ARHGEF12: variants seen among roughly 807,000 people sequenced by gnomAD.
ARHGEF12 encodes the protein KMT2A/ARHGEF12 fusion protein.
In ARHGEF12, 66 loss-of-function variants were observed where a neutral mutation model predicts 211.2. That is an observed-to-expected ratio of 0.31 (90% CI 0.26 to 0.38). ARHGEF12 has a LOEUF of 0.38. ARHGEF12 is among the 10% of genes least tolerant of loss of function. The pLI, the probability that ARHGEF12 is intolerant of heterozygous loss-of-function variation, is 1.00. For missense variants in ARHGEF12, 1,429 were observed against 1,869.5 expected (o/e 0.76, Z 4.34); for synonymous variants, 592 against 638.4 (o/e 0.93, Z 1.09).
At chr11:120,351,341 CAAAAAA>C (rs35596601) in intron 1 of ARHGEF12, among the ~76,000 whole-genome samples, 8 of 18,696 alleles carry the variant, frequency 4.3e-4, no homozygotes, top group Non-Finnish European at 5.8e-4. Flanking sequence ...GACTCCGTCT[CAAAAAA>C]AAAAAAAAAA....
At chr11:120,403,591 A>G (rs1944606901) in intron 1 of ARHGEF12, among the ~76,000 whole-genome samples, 2 of 151,968 alleles carry the variant, frequency 1.3e-5, no homozygotes, top group African/African-American at 4.8e-5. Context: ...TTTATTAATC[A>G]TCGTTCTTCA....
intron 27 of ARHGEF12, 93 bp from the exon 28 acceptor site, chr11:120,465,144 A>G: frequency 6.6e-7 from 1 of 1,510,382 alleles, no homozygotes; most frequent in Admixed American, 1.9e-5. Flanking sequence ...GTCACTTGAA[A>G]TATTGAAAGG....
At chr11:120,382,676 C>T (rs1036519385) in intron 1 of ARHGEF12, among the ~76,000 whole-genome samples, 1 of 152,180 alleles carries the variant, frequency 6.6e-6, no homozygotes, top group African/African-American at 2.4e-5. Flanking sequence ...TTCATTCATT[C>T]TATTTCTCTC....
Position 120,421,831 on chromosome 11 carries a change from G to C in ARHGEF12, c.327G>C (p.Gln109His). The C allele has an allele frequency of 6.2e-7, 1 of 1,611,688 alleles. No individual in the cohort carries two copies. Among genetic ancestry groups the C allele is most frequent in the Non-Finnish European group, 8.5e-7 (1 of 1,178,976 alleles). ...GAGCAGCCATGCGGGCTGGAGTACA[G>C]ACAGGTGATCGAATCATCAAGGTAA... The part of the protein sequence containing the change: ...EDGAAMRAGV[Q>H]TGDRIIKVNG... The change falls in exon 6 of 41, where the codon CAG becomes CAC. Residue 109 changes from glutamine (Q) to histidine (H), a missense_variant. By Grantham distance (24) the Gln-to-His change is conservative (BLOSUM62 0). Coordinates refer to ENST00000397843, the MANE Select transcript of ARHGEF12 (RefSeq NM_015313.3).
chr11:120,337,137 G>C lies in ARHGEF12; in HGVS notation c.-107G>C. 1.5e-6 allele frequency: 2 copies of C among 1,369,156 alleles called. No individual in the cohort carries two copies. The highest frequency in any genetic ancestry group is 2.1e-6 in the Non-Finnish European group (2 of 960,336). 84.8% of individuals were successfully genotyped at this position (1,369,156 alleles called of 1,614,324 possible). On this transcript the variant is annotated 5_prime_UTR_variant, in exon 1 of 41. Coordinates refer to ENST00000397843, the MANE Select transcript of ARHGEF12 (RefSeq NM_015313.3). Reference sequence around the variant, plus strand: ...GAATGGAGTTTTGAGTTGGACTTTTGTGTCCCTGACGGAGTTGGGCCTGAT... The same window carrying C: ...GAATGGAGTTTTGAGTTGGACTTTTCTGTCCCTGACGGAGTTGGGCCTGAT...
At chr11:120,346,234 A>G (rs139144591) in intron 1 of ARHGEF12, among the ~76,000 whole-genome samples, 1 of 152,354 alleles carries the variant, frequency 6.6e-6, no homozygotes, top group Non-Finnish European at 1.5e-5. Context: ...CTGTAGCAAC[A>G]CTATCAAATT....
intron 1 of ARHGEF12, among the ~76,000 whole-genome samples, chr11:120,377,393 T>C (rs1943756369): frequency 1.3e-5 from 2 of 151,866 alleles, no homozygotes; most frequent in Non-Finnish European, 2.9e-5. Flanking sequence ...CTGGCTGGAG[T>C]ACAGTGGCGC....
At chr11:120,406,197 G>A in intron 2 of ARHGEF12, 56 bp downstream of exon 2, 1 of 1,195,330 alleles carries the variant, frequency 8.4e-7, no homozygotes. Context: ...TTAATTATAA[G>A]CATCCCTTTG....
At chr11:120,484,239 C>T (rs1947338679) in intron 39 of ARHGEF12, among the ~76,000 whole-genome samples, 199 bp from the exon 40 acceptor site, 1 of 152,186 alleles carries the variant, frequency 6.6e-6, no homozygotes, top group African/African-American at 2.4e-5. Context: ...GTTATTCCTT[C>T]AGTGGAGAAA....
At position 120,367,353 on chromosome 11, in the gene ARHGEF12, C is replaced by CTTTTTTTTTTTTTTTTTT. The variant is rs1025919456; in HGVS notation, c.32+30091_32+30108dup. ...AAAAAATCTGTTAGGATACTTTTTC[C>CTTTTTTTTTTTTTTTTTT]TTTTTTTTTTTTTTTTTTTTTTTTT... is the stretch of plus-strand genomic sequence containing the variant. On this transcript the variant is annotated intron_variant, in intron 1 of 40. Transcript: ENST00000397843. Among the ~76,000 whole-genome samples the CTTTTTTTTTTTTTTTTTT allele has an allele frequency of 1.4e-3, 83 of 59,348 alleles. 22 individuals are homozygous for CTTTTTTTTTTTTTTTTTT. Among genetic ancestry groups the CTTTTTTTTTTTTTTTTTT allele is most frequent in the African/African-American group, 3.0e-3 (39 of 12,946 alleles). 38.9% of individuals were successfully genotyped at this position (59,348 alleles called of 152,430 possible).
At chr11:120,484,945 C>A in intron 40 of ARHGEF12, 122 bp from the exon 41 acceptor site, 1 of 1,035,862 alleles carries the variant, frequency 9.7e-7, no homozygotes, top group Non-Finnish European at 1.4e-6. Flanking sequence ...TTATACTCAT[C>A]TGCTTACATA....
chr11:120,422,205 T>G (rs1371003833), intron 6 of ARHGEF12, among the ~76,000 whole-genome samples: 2 of 152,206 alleles, frequency 1.3e-5, no homozygotes, highest in African/African-American at 2.4e-5. Flanking sequence ...CTCTGCAAGT[T>G]TTTGAGTACC....
At chr11:120,448,025 C>T (rs1946096532) in intron 19 of ARHGEF12, 119 bp downstream of exon 19, 7 of 868,846 alleles carry the variant, frequency 8.1e-6, no homozygotes, top group South Asian at 3.7e-5. Flanking sequence ...TGTGGTCTCT[C>T]TCTGGTGGCT....
chr11:120,381,811 C>G (rs1404324082), intron 1 of ARHGEF12, among the ~76,000 whole-genome samples: 1 of 152,150 alleles, frequency 6.6e-6, no homozygotes, highest in Non-Finnish European at 1.5e-5. Flanking sequence ...TAGTCAAACA[C>G]TCTCCTCTCC....
chr11:120,392,965 TGGACTCTGAGAGGAATAGTA>T (rs1461807451), intron 1 of ARHGEF12, among the ~76,000 whole-genome samples: 1 of 152,226 alleles, frequency 6.6e-6, no homozygotes, highest in Non-Finnish European at 1.5e-5. Context: ...CTGAGTCATC[TGGACTCTGAGAGGAATAGTA>T]GATAACTGAA....
intron 1 of ARHGEF12, among the ~76,000 whole-genome samples, chr11:120,369,504 T>C (rs1943530196): frequency 6.6e-6 from 1 of 152,234 alleles, no homozygotes; most frequent in Non-Finnish European, 1.5e-5. Context: ...CTGGTGCTTA[T>C]TGGTAAGTTT....
At position 120,445,427 on chromosome 11, in the gene ARHGEF12, G is replaced by A; in HGVS notation, c.1308G>A (p.Leu436=). 6.2e-7 allele frequency: 1 copy of A among 1,614,136 alleles called. No homozygotes were observed. The part of the protein sequence containing the change: ...HQFFLDRSAH[L]KVSVPDEMSA... ...TTGTTTGCATTTCATTTTAGCACCTGAAAGTTTCTGTTCCTGATGAAATGT... is the reference window on the plus strand; with the variant it reads ...TTGTTTGCATTTCATTTTAGCACCTAAAAGTTTCTGTTCCTGATGAAATGT... The change falls in exon 16 of 41, where the codon CTG becomes CTA. Residue 436 remains leucine (L), a synonymous_variant. Coordinates refer to ENST00000397843, the MANE Select transcript of ARHGEF12 (RefSeq NM_015313.3).
intron 1 of ARHGEF12, among the ~76,000 whole-genome samples, chr11:120,357,100 C>CT (rs1395528302): frequency 6.6e-6 from 1 of 151,800 alleles, no homozygotes; most frequent in African/African-American, 2.4e-5. Context: ...TCTCAGCTCA[C>CT]TGCAACCTCA....
intron 4 of ARHGEF12, chr11:120,409,699 G>C: frequency 2.7e-6 from 1 of 371,464 alleles, no homozygotes; most frequent in Non-Finnish European, 4.9e-6. Flanking sequence ...ATCTTCTCCC[G>C]TCTTGTTTAT....
Sources: gnomAD v4.1 joint callset for allele counts (sites outside exome capture counted in the v4.1 genomes callset) on GRCh38, gnomAD v4.1.1 for gene constraint, MANE v1.5 for transcripts, NCBI Gene and HGNC (gene_info 2026-07-23, HGNC 2026-07-21) for gene names.